MARCHF1: variants seen among roughly 807,000 people sequenced by gnomAD.
MARCHF1 encodes membrane associated ring-CH-type finger 1.
Under a neutral mutation model 54.2 loss-of-function variants are expected in MARCHF1, and 40 were observed. The observed-to-expected ratio is 0.74, with a 90% CI of 0.57 to 0.96. The LOEUF (loss-of-function observed/expected upper bound fraction) is 0.96. Among genes scored for constraint, MARCHF1 ranks in the 40% least tolerant of loss-of-function variants. MARCHF1 has a pLI of 0.00. For missense variants in MARCHF1, 586 were observed against 656.5 expected, an observed-to-expected ratio of 0.89 and a Z score of 1.17; for synonymous variants, 236 against 236.3, an observed-to-expected ratio of 1.00 and a Z score of 0.01.
chr4:163,727,434 A>C (rs1204360349), intron 4 of MARCHF1, among the ~76,000 whole-genome samples: 1 of 150,700 alleles, frequency 6.6e-6, no homozygotes, highest in Non-Finnish European at 1.5e-5. Context: ...CAGCCTCCCC[A>C]GCAGCTGGGA....
At chr4:163,891,622 C>T (rs1403743944) in intron 3 of MARCHF1, among the ~76,000 whole-genome samples, 1 of 152,076 alleles carries the variant, frequency 6.6e-6, no homozygotes, top group Non-Finnish European at 1.5e-5. Context: ...TGATGCATTC[C>T]CATCATAGAC....
intron 3 of MARCHF1, among the ~76,000 whole-genome samples, chr4:163,920,454 A>T (rs1751402681): frequency 6.6e-6 from 1 of 152,150 alleles, no homozygotes; most frequent in South Asian, 2.1e-4. Flanking sequence ...CTTCAACGAC[A>T]TGTTAGCCTT....
chr4:163,903,156 A>G (rs886280367), intron 3 of MARCHF1, among the ~76,000 whole-genome samples: 3 of 151,368 alleles, frequency 2.0e-5, no homozygotes, highest in Admixed American at 1.3e-4. Flanking sequence ...TTTATATTTG[A>G]AAAAAAAAGT....
chr4:164,315,849 G>A (rs1285926610), intron 1 of MARCHF1, among the ~76,000 whole-genome samples: 1 of 152,110 alleles, frequency 6.6e-6, no homozygotes, highest in Non-Finnish European at 1.5e-5. Context: ...AAAAGAATTG[G>A]CTAAACATCA....
chr4:163,802,399 C>T (rs759104498), intron 4 of MARCHF1, among the ~76,000 whole-genome samples: 1 of 152,094 alleles, frequency 6.6e-6, no homozygotes, highest in African/African-American at 2.4e-5. Context: ...AAGTCAAACA[C>T]ATTTCAAAAG....
chr4:164,183,488 T>C (rs1730886941), intron 1 of MARCHF1, among the ~76,000 whole-genome samples: 1 of 152,202 alleles, frequency 6.6e-6, no homozygotes, highest in African/African-American at 2.4e-5. Flanking sequence ...CTAATTTTTA[T>C]GTGGTCAAAA....
At chr4:164,028,949 A>G (rs1753823493) in intron 2 of MARCHF1, among the ~76,000 whole-genome samples, 3 of 152,172 alleles carry the variant, frequency 2.0e-5, no homozygotes, top group African/African-American at 4.8e-5. Context: ...CCTTCTTTGT[A>G]TTGACTCATA....
At chr4:163,536,999 A>C (rs540039006) in intron 9 of MARCHF1, among the ~76,000 whole-genome samples, 2 of 152,294 alleles carry the variant, frequency 1.3e-5, no homozygotes, top group South Asian at 4.2e-4. Flanking sequence ...TCTTTAACAG[A>C]CAGCCTGCTC....
At chr4:163,711,473 G>T (rs906683904) in intron 4 of MARCHF1, among the ~76,000 whole-genome samples, 1 of 152,118 alleles carries the variant, frequency 6.6e-6, no homozygotes, top group African/African-American at 2.4e-5. Flanking sequence ...AGGCACACCC[G>T]GTTGGATCTC....
intron 3 of MARCHF1, among the ~76,000 whole-genome samples, chr4:163,951,251 G>C (rs1031797882): frequency 2.6e-5 from 4 of 152,152 alleles, no homozygotes; most frequent in Non-Finnish European, 5.9e-5. Context: ...TAGGTCTATT[G>C]ATCAAAATTC....
Position 163,617,554 on chromosome 4 carries a change from G to GT in MARCHF1, c.163-4162dup, listed in dbSNP as rs372245338. Reference sequence around the variant, plus strand: ...ATTTTTAAAACCTCACTTCATTCAAGTTTTTTTAAGATCAACTTCTTATTT... The same window carrying GT: ...ATTTTTAAAACCTCACTTCATTCAAGTTTTTTTTAAGATCAACTTCTTATTT... On this transcript the variant is annotated intron_variant, in intron 5 of 9. Transcript: ENST00000514618. Among the ~76,000 whole-genome samples the GT allele has an allele frequency of 9.0e-3, 1,368 of 151,990 alleles. 10 individuals are homozygous for GT. The highest frequency in any genetic ancestry group is 0.014 in the Non-Finnish European group (954 of 67,970).
intron 3 of MARCHF1, among the ~76,000 whole-genome samples, chr4:163,884,503 CA>C (rs980651428): frequency 7.9e-5 from 12 of 152,076 alleles, no homozygotes; most frequent in Admixed American, 1.3e-4. Context: ...AAAGGTAAAA[CA>C]AGAACTCTGT....
At chr4:163,833,214 A>G (rs1749080882) in intron 4 of MARCHF1, among the ~76,000 whole-genome samples, 1 of 152,182 alleles carries the variant, frequency 6.6e-6, no homozygotes, top group Non-Finnish European at 1.5e-5. Flanking sequence ...CCAACAGTGT[A>G]AAAGTGTTCC....
chr4:163,627,608 T>G (rs1741916679), intron 5 of MARCHF1, among the ~76,000 whole-genome samples: 1 of 152,118 alleles, frequency 6.6e-6, no homozygotes, highest in Non-Finnish European at 1.5e-5. Flanking sequence ...TTATTTGATA[T>G]GTAATCAGTG....
chr4:164,237,311 T>C (rs959592933), intron 1 of MARCHF1, among the ~76,000 whole-genome samples: 18 of 152,142 alleles, frequency 1.2e-4, no homozygotes, highest in African/African-American at 4.3e-4. Context: ...GTCTAAGATC[T>C]CAGTTAAACA....
intron 2 of MARCHF1, among the ~76,000 whole-genome samples, chr4:164,099,566 T>G (rs1272612684): frequency 6.6e-6 from 1 of 152,134 alleles, no homozygotes; most frequent in African/African-American, 2.4e-5. Context: ...TAAGGCATAT[T>G]AGAAAGCAAT....
intron 2 of MARCHF1, among the ~76,000 whole-genome samples, chr4:164,106,620 G>A (rs2111171250): frequency 6.8e-6 from 1 of 147,300 alleles, no homozygotes. Flanking sequence ...CTGTTGTGGG[G>A]TAGGGGGAGG....
chr4:164,055,718 T>A (rs992586773), intron 2 of MARCHF1, among the ~76,000 whole-genome samples: 4 of 152,182 alleles, frequency 2.6e-5, no homozygotes, highest in African/African-American at 2.4e-5. Context: ...CTGGGGACCA[T>A]TGCTTGATTA....
In MARCHF1 at chr4:164,108,551, T is replaced by C. The variant is rs113677497; in HGVS notation, c.-248+3037A>G. Among the ~76,000 whole-genome samples the C allele has an allele frequency of 1.6e-4, 24 of 152,214 alleles. 1 individual carries two copies. The highest frequency in any genetic ancestry group is 4.8e-4 in the African/African-American group (20 of 41,572). On this transcript the variant is annotated intron_variant, in intron 2 of 9. Transcript: ENST00000514618. ...TGGAATCCCACATTTAATTTTTATATAAATGAATTTTCTCCACAATGAGAT... is the reference window on the plus strand; with the variant it reads ...TGGAATCCCACATTTAATTTTTATACAAATGAATTTTCTCCACAATGAGAT...
Sources: gnomAD v4.1 joint callset for allele counts (sites outside exome capture counted in the v4.1 genomes callset) on GRCh38, gnomAD v4.1.1 for gene constraint, MANE v1.5 for transcripts, NCBI Gene and HGNC (gene_info 2026-07-23, HGNC 2026-07-21) for gene names.